The following ADCY5 variants were observed in gnomAD, a reference collection of about 807,000 sequenced individuals.
ADCY5 encodes adenylate cyclase 5.
ADCY5 carries 30 observed loss-of-function variants against 119.7 expected under a neutral mutation model. The observed-to-expected ratio is 0.25, with a 90% CI of 0.19 to 0.34. The LOEUF is 0.34. Ranked by LOEUF, ADCY5 falls within the 10% of genes least tolerant of loss-of-function variation. ADCY5 has a pLI of 1.00. For missense variants in ADCY5, 1,324 were observed against 1,775.2 expected, an observed-to-expected ratio of 0.75 and a Z score of 4.57; for synonymous variants, 753 against 762.2, an observed-to-expected ratio of 0.99 and a Z score of 0.20.
chr3:123,417,617 A>C (rs1421126528), intron 1 of ADCY5, among the ~76,000 whole-genome samples: 1 of 152,222 alleles, frequency 6.6e-6, no homozygotes, highest in African/African-American at 2.4e-5. Flanking sequence ...CAAATAGAGG[A>C]AGTAACATGG....
intron 1 of ADCY5, among the ~76,000 whole-genome samples, chr3:123,424,553 C>A (rs1174406338): frequency 6.6e-6 from 1 of 152,230 alleles, no homozygotes; most frequent in Non-Finnish European, 1.5e-5. Flanking sequence ...GGCTGAACTC[C>A]TCTGAGGGCT....
In ADCY5 at chr3:123,303,070, G is replaced by A; in HGVS notation, c.2709C>T (p.Asn903=). 6.2e-7 allele frequency: 1 copy of A among 1,613,724 alleles called. No individual in the cohort carries two copies. The highest frequency in any genetic ancestry group is 8.5e-7 in the Non-Finnish European group (1 of 1,180,010). Residue 903 remains asparagine, a synonymous_variant, in exon 14 of 21, where the codon AAC becomes AAT. Coordinates refer to ENST00000462833, the MANE Select transcript of ADCY5 (RefSeq NM_183357.3). ...CACCCAGTACCTCGGGGAAGTTGCA[G>A]TTGGGCCAGGGGCTGCCACAGAAGC... ...EQGFCGSPWP[N]CNFPEYFTYS...
At position 123,447,875 on chromosome 3, in the gene ADCY5, T is replaced by C; in HGVS notation, c.671A>G (p.Asp224Gly). The change falls in exon 1 of 21, where the codon GAC (aspartate) becomes GGC (glycine). Residue 224 changes from aspartate (D) to glycine (G), a missense_variant. This residue lies in a region of ADCY5 where 585 missense variants were observed against 569.9 expected (regional missense o/e 1.03). Coordinates refer to ENST00000462833, the MANE Select transcript of ADCY5 (RefSeq NM_183357.3). ...QIFRSKKFPS[D>G]KLERLYQRYF... Reference sequence around the variant, plus strand: ...GCGCTGGTACAGCCGCTCCAGTTTGTCCGACGGGAACTTCTTGGAGCGGAA... The same window carrying C: ...GCGCTGGTACAGCCGCTCCAGTTTGCCCGACGGGAACTTCTTGGAGCGGAA... 1.2e-6 allele frequency: 2 copies of C among 1,612,446 alleles called. No homozygotes were observed. Among genetic ancestry groups the C allele is most frequent in the Non-Finnish European group, 1.7e-6 (2 of 1,179,578 alleles).
At chr3:123,380,118 C>T (rs931574) in intron 1 of ADCY5, among the ~76,000 whole-genome samples, 23,914 of 152,182 alleles carry the variant, frequency 0.16, 2,028 homozygotes, top group East Asian at 0.36. Flanking sequence ...AAATGTCCCT[C>T]CCCAGTCTTC....
intron 1 of ADCY5, among the ~76,000 whole-genome samples, chr3:123,379,068 C>T (rs866267873): frequency 3.3e-5 from 5 of 152,266 alleles, no homozygotes; most frequent in Admixed American, 1.3e-4. Context: ...CTAGTTTCCA[C>T]GAAGGCTGAG....
At chr3:123,367,937 T>C (rs1398895109) in intron 1 of ADCY5, 5 of 1,535,408 alleles carry the variant, frequency 3.3e-6, no homozygotes, top group Non-Finnish European at 3.5e-6. Context: ...GATGGGGCCA[T>C]GTCTTCCGTG....
At chr3:123,360,976 A>G (rs1365978860) in intron 1 of ADCY5, among the ~76,000 whole-genome samples, 1 of 152,248 alleles carries the variant, frequency 6.6e-6, no homozygotes, top group Non-Finnish European at 1.5e-5. Flanking sequence ...AGGAAGCTGC[A>G]GAACTGGGAT....
At chr3:123,364,149 A>G (rs979235549) in intron 1 of ADCY5, among the ~76,000 whole-genome samples, 2 of 152,136 alleles carry the variant, frequency 1.3e-5, no homozygotes, top group South Asian at 2.1e-4. Context: ...GTGCTTTTTT[A>G]CTTTTTTTCT....
At position 123,286,659 on chromosome 3, in the gene ADCY5, G is replaced by C; in HGVS notation, c.3657+26C>G. Reference sequence around the variant, plus strand: ...AGACACAGGACCTCCCATGGGGTGAGGGGTGGTGGATGCTCCTGCACTCAC... The same window carrying C: ...AGACACAGGACCTCCCATGGGGTGACGGGTGGTGGATGCTCCTGCACTCAC... On this transcript the variant is annotated intron_variant, in intron 20 of 20. Coordinates refer to ENST00000462833, the MANE Select transcript of ADCY5 (RefSeq NM_183357.3). This position sits in a 1 kb window ranked among gnomAD's most constrained non-coding sequence, Gnocchi z 4.2. 2 of 1,586,854 alleles carry C rather than the reference G, an allele frequency of 1.3e-6. No homozygotes were observed. Among genetic ancestry groups the C allele is most frequent in the South Asian group, 2.3e-5 (2 of 86,318 alleles).
chr3:123,334,687 G>A (rs1419499560), intron 3 of ADCY5, among the ~76,000 whole-genome samples: 1 of 152,174 alleles, frequency 6.6e-6, no homozygotes. Flanking sequence ...GCAGTGAGCC[G>A]AGACAGTGCC....
At chr3:123,418,844 G>A (rs1945239470) in intron 1 of ADCY5, 1 of 152,198 alleles carries the variant, frequency 6.6e-6, no homozygotes, top group African/African-American at 2.4e-5. Flanking sequence ...GTAGAGGAGG[G>A]GAGAATTCAC....
At chr3:123,294,134 C>T (rs566462624) in intron 17 of ADCY5, among the ~76,000 whole-genome samples, 1 of 152,204 alleles carries the variant, frequency 6.6e-6, no homozygotes, top group Non-Finnish European at 1.5e-5. Context: ...ATCTGCGAGT[C>T]CAGGCTGAGG....
intron 1 of ADCY5, among the ~76,000 whole-genome samples, chr3:123,358,420 C>T (rs373747755): frequency 2.4e-4 from 36 of 152,226 alleles, no homozygotes; most frequent in African/African-American, 8.7e-4. Context: ...GCCCGGACAA[C>T]ACAGTGATAT....
At chr3:123,346,128 C>A (rs55848018) in intron 3 of ADCY5, among the ~76,000 whole-genome samples, 1 of 152,228 alleles carries the variant, frequency 6.6e-6, no homozygotes, top group Non-Finnish European at 1.5e-5. Context: ...GCAAGCTCTG[C>A]GTAGGTGTGA....
chr3:123,308,023 A>ATTT (rs1940295434), intron 12 of ADCY5, among the ~76,000 whole-genome samples: 1 of 105,146 alleles, frequency 9.5e-6, no homozygotes, highest in African/African-American at 3.7e-5. Context: ...TTTTTTTTTC[A>ATTT]TGCTCTTTTT....
intron 1 of ADCY5, among the ~76,000 whole-genome samples, chr3:123,357,906 G>T (rs919383575): frequency 6.6e-6 from 1 of 152,192 alleles, no homozygotes; most frequent in Non-Finnish European, 1.5e-5. Context: ...AGGAAGGTAT[G>T]TCCAAATGCT....
intron 12 of ADCY5, among the ~76,000 whole-genome samples, chr3:123,309,813 G>C (rs1199421531): frequency 6.6e-6 from 1 of 152,104 alleles, no homozygotes; most frequent in East Asian, 1.9e-4. Context: ...CAGGATGGAA[G>C]ACACCTAGGA....
chr3:123,381,512 G>A (rs1436018655), intron 1 of ADCY5, among the ~76,000 whole-genome samples: 1 of 152,222 alleles, frequency 6.6e-6, no homozygotes, highest in Admixed American at 6.5e-5. Context: ...CATTGGTCTG[G>A]GAGAAGCTGG....
At chr3:123,447,182 T>A (rs1307717846) in intron 1 of ADCY5, among the ~76,000 whole-genome samples, 1 of 152,190 alleles carries the variant, frequency 6.6e-6, no homozygotes, top group Non-Finnish European at 1.5e-5. Context: ...CAGTACACGT[T>A]ATCTAAGGGG....
Sources: gnomAD v4.1 joint callset for allele counts (sites outside exome capture counted in the v4.1 genomes callset) on GRCh38, gnomAD v4.1.1 for gene constraint, gnomAD v4.1.1 regional missense constraint, Gnocchi (gnomAD v3.1) non-coding constraint, MANE v1.5 for transcripts, NCBI Gene and HGNC (gene_info 2026-07-23, HGNC 2026-07-21) for gene names.